Variants in CCSER2 observed in about 807,000 individuals in gnomAD.
CCSER2 encodes the protein serine-rich coiled-coil domain-containing protein 2.
CCSER2 carries 46 observed loss-of-function variants against 92.3 expected under a neutral mutation model. The observed-to-expected ratio is 0.50, with a 90% CI of 0.39 to 0.64. The LOEUF is 0.64. Ranked by LOEUF, CCSER2 falls within the 30% of genes least tolerant of loss-of-function variation. CCSER2 has a pLI of 0.00. For synonymous variants in CCSER2, 433 were observed against 431.4 expected (o/e 1.00, Z -0.04); for missense variants, 1,244 against 1,238.9 (o/e 1.00, Z -0.06).
At chr10:84,487,541 T>C (rs1589795109) in intron 9 of CCSER2, among the ~76,000 whole-genome samples, 1 of 152,140 alleles carries the variant, frequency 6.6e-6, no homozygotes, top group African/African-American at 2.4e-5. Context: ...TTTGGCTCTC[T>C]GTCTGTTATT....
At chr10:84,491,232 C>A (rs1242515391) in intron 9 of CCSER2, among the ~76,000 whole-genome samples, 1 of 152,166 alleles carries the variant, frequency 6.6e-6, no homozygotes, top group Non-Finnish European at 1.5e-5. Flanking sequence ...AGATCTCAAA[C>A]CCCATGCTGG....
At chr10:84,330,743 T>C (rs1433086392) in intron 1 of CCSER2, among the ~76,000 whole-genome samples, 2 of 152,124 alleles carry the variant, frequency 1.3e-5, no homozygotes, top group East Asian at 1.9e-4. Context: ...CCTGACCTCG[T>C]GATCCGCCCA....
chr10:84,438,222 A>G (rs1844306323), intron 5 of CCSER2, among the ~76,000 whole-genome samples: 1 of 152,228 alleles, frequency 6.6e-6, no homozygotes, highest in South Asian at 2.1e-4. Context: ...ACTTTTTCAC[A>G]TAAAGTCTTT....
At chr10:84,408,751 A>G (rs910626954) in intron 3 of CCSER2, among the ~76,000 whole-genome samples, 9 of 152,144 alleles carry the variant, frequency 5.9e-5, no homozygotes, top group Admixed American at 2.0e-4. Context: ...GCACAACACT[A>G]TATTGCTTTG....
At chr10:84,368,483 C>T (rs991993989) in intron 1 of CCSER2, among the ~76,000 whole-genome samples, 5 of 151,450 alleles carry the variant, frequency 3.3e-5, no homozygotes, top group Admixed American at 1.3e-4. Flanking sequence ...AACATTTGTA[C>T]GATTTTCTAA....
intron 1 of CCSER2, among the ~76,000 whole-genome samples, chr10:84,329,180 T>C (rs1843421727): frequency 6.6e-6 from 1 of 151,654 alleles, no homozygotes; most frequent in African/African-American, 2.4e-5. Context: ...TGAGTTCGAT[T>C]TTTTTTTTCT....
intron 6 of CCSER2, among the ~76,000 whole-genome samples, chr10:84,462,958 C>G (rs1008235390): frequency 3.3e-5 from 5 of 152,200 alleles, no homozygotes; most frequent in African/African-American, 1.2e-4. Flanking sequence ...TTTACTGAGG[C>G]AGCCAGGAAT....
intron 3 of CCSER2, among the ~76,000 whole-genome samples, chr10:84,403,717 A>G (rs908563971): frequency 1.3e-5 from 2 of 152,230 alleles, no homozygotes; most frequent in Admixed American, 6.5e-5. Flanking sequence ...TGCAAATTAA[A>G]ATCACATTCT....
intron 7 of CCSER2, among the ~76,000 whole-genome samples, chr10:84,464,586 C>T (rs962295253): frequency 9.2e-5 from 14 of 152,166 alleles, no homozygotes; most frequent in African/African-American, 3.4e-4. Context: ...GCTTTTACAT[C>T]CCATTTTCAG....
intron 9 of CCSER2, among the ~76,000 whole-genome samples, chr10:84,504,237 A>G (rs2061012638): frequency 6.6e-6 from 1 of 152,120 alleles, no homozygotes; most frequent in Admixed American, 6.6e-5. Context: ...TTAAATATGA[A>G]GGCTAAGAAG....
At chr10:84,338,151 T>G (rs1220798560) in intron 1 of CCSER2, among the ~76,000 whole-genome samples, 2 of 151,910 alleles carry the variant, frequency 1.3e-5, no homozygotes, top group South Asian at 4.1e-4. Context: ...TGGTGGTGCA[T>G]GCCTGTAATC....
At chr10:84,341,276 T>C (rs12777928) in intron 1 of CCSER2, among the ~76,000 whole-genome samples, 49,551 of 150,264 alleles carry the variant, frequency 0.33, 9,677 homozygotes, top group African/African-American at 0.55. Flanking sequence ...CTCTAGGATC[T>C]TCCCACCTTG....
chr10:84,373,565 G>A, intron 2 of CCSER2, 54 bp from the exon 3 acceptor site: 1 of 1,352,464 alleles, frequency 7.4e-7, no homozygotes, highest in Non-Finnish European at 1.0e-6. Context: ...TATATTTTTA[G>A]GACACGAGAA....
intron 6 of CCSER2, among the ~76,000 whole-genome samples, chr10:84,449,827 A>G (rs1845163738): frequency 2.6e-5 from 4 of 152,252 alleles, no homozygotes; most frequent in Non-Finnish European, 5.9e-5. Flanking sequence ...AGCCTGGGCA[A>G]CAAGAGCAAA....
At chr10:84,361,087 G>C (rs1212595522) in intron 1 of CCSER2, among the ~76,000 whole-genome samples, 1 of 152,198 alleles carries the variant, frequency 6.6e-6, no homozygotes, top group Non-Finnish European at 1.5e-5. Context: ...GTTTGTTCCA[G>C]TGCAGGCTTT....
intron 1 of CCSER2, among the ~76,000 whole-genome samples, chr10:84,363,294 A>G (rs12766172): frequency 0.21 from 31,875 of 151,838 alleles, 3,595 homozygotes; most frequent in Admixed American, 0.34. Context: ...ACGCCTGGCC[A>G]CTTATTTAAT....
In CCSER2 at chr10:84,484,468, G is replaced by T. The variant is rs564227161; in HGVS notation, c.2325+6804G>T. 2.0e-5 allele frequency among the ~76,000 whole-genome samples: 3 copies of T among 147,868 alleles called. No individual in the cohort carries two copies. The East Asian group carries it at 5.9e-4, about 29-fold the overall frequency. On this transcript the variant is annotated intron_variant, in intron 9 of 9. Transcript: ENST00000372088. ...AGCCCATTTATTTCTCTGGAGAGAC[G>T]TTGCATGCATGTGTGCATGCACGTG...
chr10:84,485,026 G>C (rs995371107), intron 9 of CCSER2, among the ~76,000 whole-genome samples: 8 of 152,184 alleles, frequency 5.3e-5, no homozygotes, highest in Non-Finnish European at 1.0e-4. Flanking sequence ...AACTATAGAA[G>C]GCATTTTTGA....
At chr10:84,495,730 T>C (rs1236187805) in intron 9 of CCSER2, among the ~76,000 whole-genome samples, 1 of 151,730 alleles carries the variant, frequency 6.6e-6, no homozygotes, top group Non-Finnish European at 1.5e-5. Flanking sequence ...TTCTTTTTGC[T>C]CTGAAGTCTA....
Sources: gnomAD v4.1 joint callset for allele counts (sites outside exome capture counted in the v4.1 genomes callset) on GRCh38, gnomAD v4.1.1 for gene constraint, MANE v1.5 for transcripts, NCBI Gene and HGNC (gene_info 2026-07-23, HGNC 2026-07-21) for gene names.